Variants in ARPP21 observed in about 807,000 individuals in gnomAD.
ARPP21 encodes the protein cAMP-regulated phosphoprotein 21.
A neutral mutation model predicts 113.2 loss-of-function variants in ARPP21; 69 were observed. That is an observed-to-expected ratio of 0.61 (90% CI 0.50 to 0.74). The LOEUF (loss-of-function observed/expected upper bound fraction) is 0.74, where lower values mean the gene tolerates loss of function less well. Among genes scored for constraint, ARPP21 ranks in the 30% least tolerant of loss-of-function variants. The pLI is 0.00. For missense variants in ARPP21, 1,070 were observed against 1,037.4 expected, an observed-to-expected ratio of 1.03 and a Z score of -0.43; for synonymous variants, 368 against 375.5, an observed-to-expected ratio of 0.98 and a Z score of 0.23.
chr3:35,727,032 T>C (rs576266468), intron 14 of ARPP21, among the ~76,000 whole-genome samples: 2 of 152,354 alleles, frequency 1.3e-5, no homozygotes, highest in East Asian at 1.9e-4. Context: ...CTCAAAACTA[T>C]TATTAGCATT....
intron 14 of ARPP21, among the ~76,000 whole-genome samples, chr3:35,726,608 A>C (rs1358578756): frequency 6.6e-6 from 1 of 152,084 alleles, no homozygotes; most frequent in Non-Finnish European, 1.5e-5. Flanking sequence ...CAGGTAAGGG[A>C]AGGGTATAAT....
chr3:35,719,127 G>A (rs1018432855), intron 13 of ARPP21, among the ~76,000 whole-genome samples: 1 of 151,806 alleles, frequency 6.6e-6, no homozygotes, highest in East Asian at 1.9e-4. Context: ...TAGGAGAGAA[G>A]GGAAGACACC....
At chr3:35,696,609 T>A (rs1319174904) in intron 9 of ARPP21, among the ~76,000 whole-genome samples, 1 of 151,540 alleles carries the variant, frequency 6.6e-6, no homozygotes, top group African/African-American at 2.4e-5. Context: ...ACTTTTTTAT[T>A]TTTTTATGGA....
At chr3:35,735,738 CT>C (rs2094310398) in intron 15 of ARPP21, among the ~76,000 whole-genome samples, 1 of 152,208 alleles carries the variant, frequency 6.6e-6, no homozygotes, top group South Asian at 2.1e-4. Context: ...GAGAATATTT[CT>C]GTGACTTCAA....
At chr3:35,719,633 G>T (rs1401373977) in intron 13 of ARPP21, among the ~76,000 whole-genome samples, 2 of 152,128 alleles carry the variant, frequency 1.3e-5, no homozygotes, top group Admixed American at 1.3e-4. Flanking sequence ...TGCCATGGAG[G>T]TGCAGAGTTC....
chr3:35,682,756 C>G, intron 3 of ARPP21, 92 bp from the exon 4 acceptor site: 1 of 1,187,558 alleles, frequency 8.4e-7, no homozygotes. Flanking sequence ...ACATTTTTCT[C>G]TCTTTCTTTC....
rs921409235 is a variant in ARPP21 at position 35,704,466 on chromosome 3, G to A, written c.687-2508G>A. 8.6e-5 allele frequency among the ~76,000 whole-genome samples: 13 copies of A among 151,896 alleles called. No homozygotes were observed. The East Asian group carries it at 2.5e-3, about 29-fold the overall frequency. Reference sequence around the variant, plus strand: ...AACTTAGAAGTTCCAAAACTAGGAAGGCCACGATTTTCATTCACACTTCCA... The same window carrying A: ...AACTTAGAAGTTCCAAAACTAGGAAAGCCACGATTTTCATTCACACTTCCA... On this transcript the variant is annotated intron_variant, in intron 9 of 20. Transcript: ENST00000684406.
At chr3:35,791,283 C>T (rs2096742106) in intron 19 of ARPP21, among the ~76,000 whole-genome samples, 1 of 152,042 alleles carries the variant, frequency 6.6e-6, no homozygotes, top group Non-Finnish European at 1.5e-5. Context: ...TTTTTAAAAT[C>T]CGATTGTGAA....
At chr3:35,725,914 C>A (rs11710519) in intron 14 of ARPP21, among the ~76,000 whole-genome samples, 21 of 151,994 alleles carry the variant, frequency 1.4e-4, no homozygotes, top group Non-Finnish European at 1.0e-4. Flanking sequence ...CCCTGGCCCC[C>A]GTCTGTGCCT....
chr3:35,792,334 C>CTG, intron 19 of ARPP21, 48 bp from the exon 20 acceptor site: 5 of 1,587,910 alleles, frequency 3.1e-6, no homozygotes, highest in Non-Finnish European at 4.3e-6. Context: ...TGAAACATCA[C>CTG]TGTGTTCTTT....
intron 1 of ARPP21, among the ~76,000 whole-genome samples, chr3:35,667,946 GAAAAGA>G (rs2075026925): frequency 5.2e-5 from 6 of 115,162 alleles, no homozygotes; most frequent in African/African-American, 1.1e-4. Context: ...AGGAGAAGAA[GAAAAGA>G]AGAAGAAGAA....
chr3:35,713,118 T>C (rs74690205), intron 11 of ARPP21, among the ~76,000 whole-genome samples: 2,643 of 152,300 alleles, frequency 0.017, 80 homozygotes, highest in African/African-American at 0.061. Context: ...AAATCGTTTT[T>C]CTTCTTTTGA....
intron 1 of ARPP21, among the ~76,000 whole-genome samples, chr3:35,675,151 A>AT (rs914123337): frequency 2.3e-4 from 33 of 142,094 alleles, no homozygotes; most frequent in Admixed American, 1.2e-3. Context: ...GGGAATTTGC[A>AT]TTTTTTTTTT....
chr3:35,662,999 A>G (rs1206264604), intron 1 of ARPP21, among the ~76,000 whole-genome samples: 2 of 152,136 alleles, frequency 1.3e-5, no homozygotes, highest in Admixed American at 6.5e-5. Context: ...AATAGATTCA[A>G]TGTTTGATAA....
chr3:35,760,288 C>T (rs1479795681), intron 19 of ARPP21, among the ~76,000 whole-genome samples: 1 of 152,086 alleles, frequency 6.6e-6, no homozygotes, highest in East Asian at 1.9e-4. Context: ...TCTCTGCTCA[C>T]ACTGGTGGCC....
chr3:35,655,885 A>C (rs1165612342), intron 1 of ARPP21, among the ~76,000 whole-genome samples: 1 of 152,028 alleles, frequency 6.6e-6, no homozygotes, highest in African/African-American at 2.4e-5. Context: ...GATGGGGCCC[A>C]AGTATATGCA....
chr3:35,702,674 G>C (rs1317434394), intron 9 of ARPP21, among the ~76,000 whole-genome samples: 1 of 151,724 alleles, frequency 6.6e-6, no homozygotes, highest in African/African-American at 2.4e-5. Context: ...TTTGGAACAA[G>C]AGTTTGAGAG....
rs1007672140 is a variant in ARPP21 at position 35,759,832 on chromosome 3, T to C, written c.2137+15867T>C. On this transcript the variant is annotated intron_variant, in intron 19 of 20. Transcript: ENST00000684406. Reference sequence around the variant, plus strand: ...TTGATTTGCCAATGTCTGCCCATTCTTTTTAAACTGAAGAATTAAAGAAAA... The same window carrying C: ...TTGATTTGCCAATGTCTGCCCATTCCTTTTAAACTGAAGAATTAAAGAAAA... 3.4e-4 allele frequency among the ~76,000 whole-genome samples: 51 copies of C among 152,186 alleles called. 1 individual carries two copies. Among genetic ancestry groups the C allele is most frequent in the African/African-American group, 1.2e-3 (48 of 41,548 alleles).
intron 19 of ARPP21, chr3:35,792,127 A>G (rs2096759419): frequency 5.8e-6 from 2 of 344,774 alleles, no homozygotes; most frequent in Non-Finnish European, 1.1e-5. Flanking sequence ...ATAATTTATC[A>G]TTGTCACATG....
Sources: gnomAD v4.1 joint callset for allele counts (sites outside exome capture counted in the v4.1 genomes callset) on GRCh38, gnomAD v4.1.1 for gene constraint, MANE v1.5 for transcripts, NCBI Gene and HGNC (gene_info 2026-07-23, HGNC 2026-07-21) for gene names.